Variants in ZFR2 observed in about 807,000 individuals in gnomAD.
ZFR2 encodes zinc finger RNA binding protein 2.
ZFR2 carries 104 observed loss-of-function variants against 105.7 expected under a neutral mutation model. The ratio of observed to expected loss-of-function variants is 0.98; its 90% CI spans 0.84 to 1.16. The LOEUF is 1.16. ZFR2 is among the 50% of genes most tolerant of loss of function. The pLI is 0.00. For synonymous variants in ZFR2, 634 were observed against 597.7 expected (o/e 1.06, Z -0.89); for missense variants, 1,425 against 1,355.5 (o/e 1.05, Z -0.80).
chr19:3,833,579 A>C, intron 3 of ZFR2, 85 bp downstream of exon 3: 2 of 1,169,926 alleles, frequency 1.7e-6, no homozygotes, highest in Non-Finnish European at 2.4e-6. Context: ...CTGTCTAAAA[A>C]AAAAAAAAAG....
At chr19:3,868,850 T>A (rs2038465690) in intron 1 of ZFR2, 115 bp downstream of exon 1, 1 of 895,678 alleles carries the variant, frequency 1.1e-6, no homozygotes, top group Non-Finnish European at 1.5e-6. Flanking sequence ...GGGTTCCAGG[T>A]TGGGGCTGGG....
chr19:3,843,864 A>G (rs2038159540), intron 1 of ZFR2, among the ~76,000 whole-genome samples: 2 of 151,886 alleles, frequency 1.3e-5, no homozygotes, highest in Admixed American at 6.6e-5. Flanking sequence ...AAGAAAAAAA[A>G]CAAGTCCTGA....
chr19:3,821,232 A>G, intron 10 of ZFR2, 108 bp downstream of exon 10: 1 of 1,370,746 alleles, frequency 7.3e-7, no homozygotes, highest in South Asian at 1.6e-5. Flanking sequence ...CCACTGCTCG[A>G]GAGCTCACAC....
intron 1 of ZFR2, among the ~76,000 whole-genome samples, chr19:3,851,050 C>T (rs1465512628): frequency 2.0e-5 from 3 of 152,030 alleles, no homozygotes; most frequent in Non-Finnish European, 4.4e-5. Flanking sequence ...AGATCTCACA[C>T]TTCTGGCCTC....
At chr19:3,859,492 TCCCTCTAGAGA>T (rs2038346795) in intron 1 of ZFR2, among the ~76,000 whole-genome samples, 1 of 152,214 alleles carries the variant, frequency 6.6e-6, no homozygotes. Flanking sequence ...GTGAGTCCTG[TCCCTCTAGAGA>T]CCCTGGCTCA....
chr19:3,855,317 C>A (rs2038284370), intron 1 of ZFR2: 1 of 1,187,408 alleles, frequency 8.4e-7, no homozygotes, highest in South Asian at 4.3e-5. Flanking sequence ...AAAAAAAAGT[C>A]ATTAGAGGCC....
intron 1 of ZFR2, chr19:3,855,550 C>T (rs1013078678): frequency 2.1e-5 from 18 of 861,026 alleles, no homozygotes; most frequent in Non-Finnish European, 2.8e-5. Flanking sequence ...TCCCGTCCTC[C>T]AGGAGGGTGC....
chr19:3,844,376 T>C (rs1357664184), intron 1 of ZFR2, among the ~76,000 whole-genome samples: 2 of 151,962 alleles, frequency 1.3e-5, no homozygotes, highest in Non-Finnish European at 2.9e-5. Context: ...TGTTTTACTT[T>C]TTTTTTTTTG....
chr19:3,849,071 G>A (rs566160043), intron 1 of ZFR2, among the ~76,000 whole-genome samples: 348 of 152,338 alleles, frequency 2.3e-3, no homozygotes, highest in South Asian at 5.4e-3. Flanking sequence ...AGTAAATCGT[G>A]AGTAGCTTTC....
rs1464429952 is a variant in ZFR2, at chr19:3,868,953, C to T, written c.53+12G>A. On this transcript the variant is annotated intron_variant, in intron 1 of 18. Coordinates refer to ENST00000262961, the MANE Select transcript of ZFR2 (RefSeq NM_015174.2). The stretch of plus-strand genomic sequence containing the variant: ...CCGGGACTGGCGGGGGCTGGCGCGG[C>T]GGGGCAGTTACCTGTACTGCGGGCC... 6 of 1,301,830 alleles carry T rather than the reference C, an allele frequency of 4.6e-6. No individual in the cohort carries two copies. The highest frequency in any genetic ancestry group is 4.9e-6 in the Non-Finnish European group (5 of 1,017,102). 80.6% of individuals were successfully genotyped at this position (1,301,830 alleles called of 1,614,324 possible). A position where few individuals can be genotyped will look rare whatever the true frequency, so the allele number is the denominator to read the frequency against.
At chr19:3,867,344 C>T (rs2038444832) in intron 1 of ZFR2, among the ~76,000 whole-genome samples, 1 of 152,006 alleles carries the variant, frequency 6.6e-6, no homozygotes, top group African/African-American at 2.4e-5. Context: ...CCAGCCCTGG[C>T]TCCCGGACTG....
chr19:3,830,994 TGCACACACAG>T (rs1310272016), intron 5 of ZFR2, among the ~76,000 whole-genome samples: 95 of 150,820 alleles, frequency 6.3e-4, no homozygotes, highest in African/African-American at 2.2e-3. Flanking sequence ...CACACACGCT[TGCACACACAG>T]GCACATGCAG....
Position 3,841,040 on chromosome 19 carries a change from G to A in ZFR2, c.54-6057C>T, listed in dbSNP as rs560195163. Among the ~76,000 whole-genome samples the A allele has an allele frequency of 1.4e-3, 212 of 152,252 alleles. 1 individual carries two copies. Among genetic ancestry groups the A allele is most frequent in the African/African-American group, 4.9e-3 (205 of 41,540 alleles). On this transcript the variant is annotated intron_variant, in intron 1 of 18. Coordinates refer to ENST00000262961, the MANE Select transcript of ZFR2 (RefSeq NM_015174.2). ...CACATGGTGACTCGGTGCCTTGTTC[G>A]CTCTAGGTTGGCCACGGTTCAGGGC...
At chr19:3,850,245 G>A (rs1468198078) in intron 1 of ZFR2, among the ~76,000 whole-genome samples, 1 of 152,170 alleles carries the variant, frequency 6.6e-6, no homozygotes, top group Non-Finnish European at 1.5e-5. Flanking sequence ...GGATTTCAAA[G>A]AGGAGGGGCT....
In ZFR2 at chr19:3,823,028, G is replaced by A. The variant is rs930500727; in HGVS notation, c.1371+218C>T. Among the ~76,000 whole-genome samples the A allele has an allele frequency of 2.0e-5, 3 of 152,222 alleles. No homozygotes were observed. The highest frequency in any genetic ancestry group is 7.2e-5 in the African/African-American group (3 of 41,470). Reference sequence around the variant, plus strand: ...GCCTCGGCCTGTCTCTGGCCCTCACGGGGCCATATTCATTTCCTGCTGATA... The same window carrying A: ...GCCTCGGCCTGTCTCTGGCCCTCACAGGGCCATATTCATTTCCTGCTGATA... On this transcript the variant is annotated intron_variant, in intron 8 of 18. Coordinates refer to ENST00000262961, the MANE Select transcript of ZFR2 (RefSeq NM_015174.2). The surrounding 1 kb of genome is among the most constrained non-coding windows in gnomAD (Gnocchi z 5.4).
Position 3,817,766 on chromosome 19 carries a change from A to G in ZFR2, c.1932-921T>C, listed in dbSNP as rs1227243132. On this transcript the variant is annotated intron_variant, in intron 12 of 18. Coordinates refer to ENST00000262961, the MANE Select transcript of ZFR2 (RefSeq NM_015174.2). ...GCAAGACTCAGTCTCAAAAAAGAAA[A>G]AAAAAAAAAAAAAAGGAGAGGGCAG... 2.7e-5 allele frequency among the ~76,000 whole-genome samples: 4 copies of G among 148,962 alleles called. No homozygotes were observed. The South Asian group carries it at 8.4e-4, about 31-fold the overall frequency.
Position 3,805,825 on chromosome 19 carries a change from A to G in ZFR2, c.*124T>C, listed in dbSNP as rs930444333. ...AGCACAGGTGTTTTAAAGGAAACCT[A>G]CAGAGCGTTACTCAAAAGGAAATGA... On this transcript the variant is annotated 3_prime_UTR_variant, in exon 19 of 19. Coordinates refer to ENST00000262961, the MANE Select transcript of ZFR2 (RefSeq NM_015174.2). 8 of 1,171,366 alleles carry G rather than the reference A, an allele frequency of 6.8e-6. No homozygotes were observed. In the African/African-American group the frequency reaches 9.6e-5, roughly 14 times the overall value. 72.6% of individuals were successfully genotyped at this position (1,171,366 alleles called of 1,614,324 possible).
At chr19:3,811,454 T>G (rs960688337) in intron 14 of ZFR2, 88 bp from the exon 15 acceptor site, 1 of 1,246,500 alleles carries the variant, frequency 8.0e-7, no homozygotes. Context: ...TTTGGGCCCC[T>G]CGACGCTTTT....
intron 1 of ZFR2, among the ~76,000 whole-genome samples, chr19:3,849,033 C>T (rs1394633709): frequency 6.6e-6 from 1 of 150,998 alleles, no homozygotes; most frequent in Non-Finnish European, 1.5e-5. Flanking sequence ...ACCAAACAAA[C>T]AAAAACACAA....
Sources: gnomAD v4.1 joint callset for allele counts (sites outside exome capture counted in the v4.1 genomes callset) on GRCh38, gnomAD v4.1.1 for gene constraint, Gnocchi (gnomAD v3.1) non-coding constraint, MANE v1.5 for transcripts, NCBI Gene and HGNC (gene_info 2026-07-23, HGNC 2026-07-21) for gene names.